Variants in PDE11A observed in about 807,000 individuals in gnomAD.
PDE11A encodes phosphodiesterase 11A, also known as dual 3',5'-cyclic-AMP and -GMP phosphodiesterase 11A.
PDE11A carries 100 observed loss-of-function variants against 100.5 expected under a neutral mutation model. The observed-to-expected ratio is 1.00, with a 90% CI of 0.85 to 1.18. The LOEUF is 1.18. PDE11A is among the 50% of genes most tolerant of loss of function. PDE11A has a pLI of 0.00. For synonymous variants in PDE11A, 381 were observed against 420.8 expected, an observed-to-expected ratio of 0.91 and a Z score of 1.16; for missense variants, 1,141 against 1,152.6, an observed-to-expected ratio of 0.99 and a Z score of 0.15.
chr2:177,944,020 AGTTT>A (rs1283257905), intron 2 of PDE11A, among the ~76,000 whole-genome samples: 2 of 152,108 alleles, frequency 1.3e-5, no homozygotes, highest in Non-Finnish European at 2.9e-5. Context: ...GTTAATGTTG[AGTTT>A]GTTTGTTTTA....
intron 19 of PDE11A, among the ~76,000 whole-genome samples, chr2:177,629,919 C>T (rs191752324): frequency 7.0e-4 from 107 of 152,260 alleles, no homozygotes; most frequent in African/African-American, 2.2e-3. Context: ...CTTTGCCTGC[C>T]ACAGAGGGCT....
At chr2:177,663,431 GA>G (rs2080514150) in intron 19 of PDE11A, among the ~76,000 whole-genome samples, 1 of 148,480 alleles carries the variant, frequency 6.7e-6, no homozygotes, top group Admixed American at 6.7e-5. Context: ...TATTAATAAA[GA>G]AAATTTGTAA....
rs186386648 is a variant in PDE11A at position 177,676,906 on chromosome 2, T to C, written c.2424-1388A>G. On this transcript the variant is annotated intron_variant, in intron 16 of 19. Transcript: ENST00000286063. ...AGAAGCACACAGAGATTAAGTCATT[T>C]TCCCTTCCCAAGGTGAGTAAATGAT... 2.0e-3 allele frequency among the ~76,000 whole-genome samples: 309 copies of C among 152,336 alleles called. 2 individuals are homozygous for C. Among genetic ancestry groups the C allele is most frequent in the Non-Finnish European group, 3.8e-3 (259 of 68,024 alleles).
At position 177,629,364 on chromosome 2, in the gene PDE11A, C is replaced by T. The variant is rs375769807; in HGVS notation, c.*43G>A. ...TGACATTGCTGGACTGAAAATGGCC[C>T]TTCAGGCTGTAGTCATTTTGCAGCT... On this transcript the variant is annotated 3_prime_UTR_variant, in exon 20 of 20. Transcript: ENST00000286063. 4.2e-5 allele frequency: 66 copies of T among 1,586,722 alleles called. No individual in the cohort carries two copies. Among genetic ancestry groups the T allele is most frequent in the Non-Finnish European group, 5.2e-5 (60 of 1,156,292 alleles).
intron 2 of PDE11A, among the ~76,000 whole-genome samples, chr2:177,966,784 A>G (rs2085703164): frequency 6.6e-6 from 1 of 152,064 alleles, no homozygotes; most frequent in Non-Finnish European, 1.5e-5. Context: ...TTTTACATTT[A>G]TGTTCATCAG....
intron 6 of PDE11A, among the ~76,000 whole-genome samples, chr2:177,829,668 G>T (rs140442472): frequency 6.6e-6 from 1 of 151,250 alleles, no homozygotes; most frequent in South Asian, 2.1e-4. Flanking sequence ...TAGCCAGGAA[G>T]GTCTCGATCT....
intron 19 of PDE11A, among the ~76,000 whole-genome samples, chr2:177,631,059 A>G (rs2079910981): frequency 1.3e-5 from 2 of 152,090 alleles, no homozygotes; most frequent in African/African-American, 4.8e-5. Flanking sequence ...TAGGAAATGG[A>G]GATAATTTAT....
intron 10 of PDE11A, among the ~76,000 whole-genome samples, chr2:177,738,562 A>T (rs762695654): frequency 7.2e-5 from 11 of 152,098 alleles, no homozygotes; most frequent in Non-Finnish European, 1.3e-4. Context: ...TTCTGCTCAG[A>T]CCTACTATGC....
rs2085829976 is a variant in PDE11A at position 177,977,838 on chromosome 2, T to G, written c.1071+36464A>C. Among the ~76,000 whole-genome samples the G allele has an allele frequency of 4.0e-5, 5 of 126,384 alleles. No homozygotes were observed. In the Admixed American group the frequency reaches 4.1e-4, roughly 10 times the overall value. 82.9% of individuals were successfully genotyped at this position (126,384 alleles called of 152,430 possible). A position where few individuals can be genotyped will look rare whatever the true frequency, so the allele number is the denominator to read the frequency against. On this transcript the variant is annotated intron_variant, in intron 2 of 19. Coordinates refer to ENST00000286063, the MANE Select transcript of PDE11A (RefSeq NM_016953.4). ...AAGCAATGGGGAAAGGATTCCCTAT[T>G]TAATAAATGGTGCTGGGAAAACTGG...
rs567538490 is a variant in PDE11A at position 177,991,495 on chromosome 2, C to T, written c.1071+22807G>A. Among the ~76,000 whole-genome samples the T allele has an allele frequency of 3.9e-4, 58 of 148,646 alleles. 2 individuals carry two copies. The South Asian group carries it at 0.011, about 28-fold the overall frequency. The stretch of plus-strand genomic sequence containing the variant: ...CTAAAAATACAAAAAATTAGCCAGG[C>T]GTGGTGGCAGGCACTTGTAATCCCA... On this transcript the variant is annotated intron_variant, in intron 2 of 19. Coordinates refer to ENST00000286063, the MANE Select transcript of PDE11A (RefSeq NM_016953.4).
At chr2:177,758,602 C>T (rs978928146) in intron 10 of PDE11A, among the ~76,000 whole-genome samples, 14 of 152,274 alleles carry the variant, frequency 9.2e-5, no homozygotes, top group East Asian at 3.9e-4. Context: ...ACACAGACAG[C>T]GAGGCTCAAA....
intron 19 of PDE11A, among the ~76,000 whole-genome samples, chr2:177,651,086 T>A (rs1352359844): frequency 6.6e-6 from 1 of 152,182 alleles, no homozygotes; most frequent in African/African-American, 2.4e-5. Flanking sequence ...AATAAAAAGA[T>A]CCTCATAGCA....
chr2:178,099,224 G>A (rs2087531874), intron 2 of PDE11A, among the ~76,000 whole-genome samples: 1 of 152,048 alleles, frequency 6.6e-6, no homozygotes, highest in Non-Finnish European at 1.5e-5. Flanking sequence ...CCAGGATTTC[G>A]AGATCAGCCT....
chr2:178,074,452 G>C (rs1448191996), upstream of PDE11A, among the ~76,000 whole-genome samples: 3 of 152,146 alleles, frequency 2.0e-5, no homozygotes, highest in African/African-American at 7.2e-5. Context: ...CAGCAGTGTT[G>C]TGCACGGAGA....
At chr2:178,048,645 A>C (rs1159932624) in intron 1 of PDE11A, among the ~76,000 whole-genome samples, 1 of 152,104 alleles carries the variant, frequency 6.6e-6, no homozygotes, top group Non-Finnish European at 1.5e-5. Flanking sequence ...TCGATGCTGT[A>C]ATTTCCAAAG....
intron 2 of PDE11A, among the ~76,000 whole-genome samples, chr2:177,967,179 T>A (rs1344810324): frequency 6.6e-6 from 1 of 151,266 alleles, no homozygotes; most frequent in Non-Finnish European, 1.5e-5. Flanking sequence ...TCTATGGGAT[T>A]GGTGGTAATG....
At chr2:177,971,086 T>C (rs1364557378) in intron 2 of PDE11A, among the ~76,000 whole-genome samples, 1 of 152,152 alleles carries the variant, frequency 6.6e-6, no homozygotes, top group African/African-American at 2.4e-5. Context: ...CTGGATTCTA[T>C]AGGATTGAGA....
chr2:177,691,760 C>T (rs775053662), intron 15 of PDE11A, among the ~76,000 whole-genome samples: 35 of 152,024 alleles, frequency 2.3e-4, no homozygotes, highest in Non-Finnish European at 4.3e-4. Context: ...ACTTCAGTCA[C>T]GCTCCCCACT....
chr2:178,105,675 C>T lies in PDE11A; in HGVS notation c.-13-1199G>A, dbSNP rs927083345. ...GGTTCTCCATGGTGGTACAGGATGG[C>T]ATAATGAAGGCCCTGAATGTGGAAC... On this transcript the variant is annotated intron_variant, in intron 1 of 20. Transcript: ENST00000358450. 4 of 785,174 alleles carry T rather than the reference C, an allele frequency of 5.1e-6. No individual in the cohort carries two copies. The East Asian group carries it at 9.3e-5, about 18-fold the overall frequency. 48.6% of individuals were successfully genotyped at this position (785,174 alleles called of 1,614,324 possible). A position where few individuals can be genotyped will look rare whatever the true frequency, so the allele number is the denominator to read the frequency against.
Sources: allele counts gnomAD v4.1 joint callset (sites outside exome capture counted in the v4.1 genomes callset), GRCh38; gene constraint gnomAD v4.1.1; transcripts MANE v1.5; gene names NCBI Gene and HGNC (gene_info 2026-07-23, HGNC 2026-07-21).